The following LSM10 variants were observed in gnomAD, a reference collection of about 807,000 sequenced individuals.
LSM10 encodes the protein LSM10, U7 small nuclear RNA associated.
Under a neutral mutation model 5.2 loss-of-function variants are expected in LSM10, and 4 were observed. That is an observed-to-expected ratio of 0.77 (90% CI 0.38 to 1.77). The LOEUF is 1.77. LSM10 is among the 40% of genes most tolerant of loss of function. The pLI, the probability that LSM10 is intolerant of heterozygous loss-of-function variation, is 0.04. For synonymous variants in LSM10, 63 were observed against 67.4 expected, an observed-to-expected ratio of 0.94 and a Z score of 0.32; for missense variants, 150 against 171.6, an observed-to-expected ratio of 0.87 and a Z score of 0.70.
At position 36,393,481 on chromosome 1, in the gene LSM10, T is replaced by C; in HGVS notation, c.*277A>G. 2.0e-6 allele frequency: 1 copy of C among 498,070 alleles called. No homozygotes were observed. Among genetic ancestry groups the C allele is most frequent in the Non-Finnish European group, 3.7e-6 (1 of 273,794 alleles). 30.9% of individuals were successfully genotyped at this position (498,070 alleles called of 1,614,324 possible). On this transcript the variant is annotated 3_prime_UTR_variant, in exon 2 of 2. Coordinates refer to ENST00000315732, the MANE Select transcript of LSM10 (RefSeq NM_032881.3). ...TATCCTCACTGGGAGAGTTGAAAAC[T>C]ACTTGACAGGTTCCATAATCAATAA...
intron 1 of LSM10, 110 bp from the exon 2 acceptor site, chr1:36,394,263 A>G: frequency 9.8e-7 from 1 of 1,018,842 alleles, no homozygotes; most frequent in Non-Finnish European, 1.4e-6. Flanking sequence ...CACCTCTGCA[A>G]TTTTTGTATC....
intron 1 of LSM10, among the ~76,000 whole-genome samples, chr1:36,396,991 A>T (rs1647161699): frequency 6.6e-6 from 1 of 151,918 alleles, no homozygotes; most frequent in Admixed American, 6.6e-5. Context: ...ATAAATCTGG[A>T]TAATGAATTG....
At position 36,393,497 on chromosome 1, in the gene LSM10, TAATC is replaced by T. The variant is rs1385524506; in HGVS notation, c.*257_*260del. ...GTTGAAAACTACTTGACAGGTTCCA[TAATC>T]AATAAGTCAGAGATTCAGATCATCA... On this transcript the variant is annotated 3_prime_UTR_variant, in exon 2 of 2. Transcript: ENST00000315732. The T allele has an allele frequency of 3.8e-6, 2 of 533,064 alleles. No homozygotes were observed. The highest frequency in any genetic ancestry group is 3.8e-5 in the African/African-American group (2 of 52,684). 33.0% of individuals were successfully genotyped at this position (533,064 alleles called of 1,614,324 possible).
chr1:36,393,937 G>C lies in LSM10; in HGVS notation c.193C>G (p.His65Asp). The change falls in exon 2 of 2, where the codon CAT becomes GAT. Residue 65 changes from histidine to aspartate, a missense_variant. Physicochemically the swap from His to Asp is moderately conservative, Grantham distance 81. Transcript: ENST00000315732. ...AAGAGGTCATCCAGCTTGACCTGAT[G>C]CCCCCAACGGTCCGTGTAGGTGACT... is the stretch of plus-strand genomic sequence containing the variant. ...AKVTYTDRWG[H>D]QVKLDDLFVT... The C allele has an allele frequency of 6.2e-7, 1 of 1,614,256 alleles. No homozygotes were observed.
rs1570479515 is a variant in LSM10 at position 36,394,059 on chromosome 1, A to G, written c.71T>C (p.Leu24Pro). The G allele has an allele frequency of 1.2e-6, 2 of 1,614,034 alleles. No homozygotes were observed. Among genetic ancestry groups the G allele is most frequent in the South Asian group, 2.2e-5 (2 of 91,088 alleles). The change falls in exon 2 of 2, where the codon CTC becomes CCC. Residue 24 changes from leucine to proline, a missense_variant. Leu to Pro is a moderately conservative substitution (Grantham distance 98, BLOSUM62 -3). Transcript: ENST00000315732. Reference sequence around the variant, plus strand: ...GTCCACAGTGGTTACCCGGCCCTGGAGGCCCTGCAGTAGGATGATCAGGCT... The same window carrying G: ...GTCCACAGTGGTTACCCGGCCCTGGGGGCCCTGCAGTAGGATGATCAGGCT... ...ENSLIILLQG[L>P]QGRVTTVDLR...
At chr1:36,397,452 G>A in intron 1 of LSM10, among the ~76,000 whole-genome samples, 1 of 152,168 alleles carries the variant, frequency 6.6e-6, no homozygotes, top group East Asian at 1.9e-4. Context: ...ATCAAGCAAA[G>A]GTATGGGGCT....
At chr1:36,397,068 G>A (rs992250267) in intron 1 of LSM10, among the ~76,000 whole-genome samples, 18 of 152,110 alleles carry the variant, frequency 1.2e-4, no homozygotes, top group African/African-American at 4.3e-4. Flanking sequence ...AACCTAGGTT[G>A]GAATCCCCAC....
chr1:36,397,697 C>G lies in LSM10; in HGVS notation c.-25+70G>C, dbSNP rs985564881. On this transcript the variant is annotated intron_variant, in intron 1 of 1. Transcript: ENST00000315732. ...GAAAACGCTTCCTGGGCTCCGGCAC[C>G]TCCTTCCGGAGGTCCTGGCATCCCC... is the stretch of plus-strand genomic sequence containing the variant. The G allele has an allele frequency of 5.3e-5, 8 of 152,228 alleles. No individual in the cohort carries two copies. The East Asian group carries it at 1.6e-3, about 30-fold the overall frequency. 9.4% of individuals were successfully genotyped at this position (152,228 alleles called of 1,614,324 possible). A position where few individuals can be genotyped will look rare whatever the true frequency, so the allele number is the denominator to read the frequency against.
chr1:36,395,313 T>C (rs915407407), intron 1 of LSM10, among the ~76,000 whole-genome samples: 2 of 152,186 alleles, frequency 1.3e-5, no homozygotes, highest in African/African-American at 4.8e-5. Context: ...ATTATATGAT[T>C]ATCTACATTG....
chr1:36,394,234 CA>C, intron 1 of LSM10, 81 bp from the exon 2 acceptor site: 1 of 1,374,358 alleles, frequency 7.3e-7, no homozygotes, highest in Non-Finnish European at 9.7e-7. Flanking sequence ...GGTTCTCAAA[CA>C]AAATTCCCAG....
At chr1:36,395,225 G>A (rs16822801) in intron 1 of LSM10, among the ~76,000 whole-genome samples, 47,589 of 151,950 alleles carry the variant, frequency 0.31, 7,613 homozygotes, top group African/African-American at 0.35. Flanking sequence ...TTCAAAAAAC[G>A]ATTACGGAAA....
chr1:36,393,716 C>T lies in LSM10; in HGVS notation c.*42G>A. 1 of 1,603,646 alleles carries T rather than the reference C, an allele frequency of 6.2e-7. No individual in the cohort carries two copies. The highest frequency in any genetic ancestry group is 8.5e-7 in the Non-Finnish European group (1 of 1,174,310). Reference sequence around the variant, plus strand: ...AGGGCAGGGAACTAGCTCCGGAGATCACTGGAGGACTCCGAGTTGGGGCCA... The same window carrying T: ...AGGGCAGGGAACTAGCTCCGGAGATTACTGGAGGACTCCGAGTTGGGGCCA... On this transcript the variant is annotated 3_prime_UTR_variant, in exon 2 of 2. Coordinates refer to ENST00000315732, the MANE Select transcript of LSM10 (RefSeq NM_032881.3).
Position 36,397,857 on chromosome 1 carries a change from C to T in LSM10, c.-115G>A, listed in dbSNP as rs1352100053. The T allele has an allele frequency of 6.6e-6, 1 of 152,244 alleles. No individual in the cohort carries two copies. The highest frequency in any genetic ancestry group is 1.5e-5 in the Non-Finnish European group (1 of 68,046). 9.4% of individuals were successfully genotyped at this position (152,244 alleles called of 1,614,324 possible). ...CTGCCTCCCGCCGGCTGCAGCAGGA[C>T]GGAGAAACCATGCCGGCGACCGGGC... On this transcript the variant is annotated 5_prime_UTR_variant, in exon 1 of 2. Transcript: ENST00000315732.
intron 1 of LSM10, among the ~76,000 whole-genome samples, chr1:36,395,944 G>A (rs1168924981): frequency 2.0e-5 from 3 of 151,996 alleles, no homozygotes; most frequent in African/African-American, 7.2e-5. Context: ...GCTCCCGGCT[G>A]GGCGCGGTGG....
At chr1:36,394,967 C>T (rs533137461) in intron 1 of LSM10, among the ~76,000 whole-genome samples, 4 of 150,926 alleles carry the variant, frequency 2.7e-5, no homozygotes, top group East Asian at 3.9e-4. Flanking sequence ...ATTAGCCAAG[C>T]GTGGTGGCAC....
At chr1:36,396,701 A>T (rs1379848540) in intron 1 of LSM10, among the ~76,000 whole-genome samples, 1 of 152,178 alleles carries the variant, frequency 6.6e-6, no homozygotes, top group Non-Finnish European at 1.5e-5. Flanking sequence ...GCCGGGTGCA[A>T]GGGCTCACGC....
chr1:36,394,304 CAT>C (rs534251154), intron 1 of LSM10, among the ~76,000 whole-genome samples, 151 bp from the exon 2 acceptor site: 86 of 152,316 alleles, frequency 5.6e-4, no homozygotes, highest in South Asian at 8.3e-4. Context: ...GCACATGTCT[CAT>C]AGAATCCTCA....
rs540835682 is a variant in LSM10, at chr1:36,396,635, G to A, written c.-25+1132C>T. Among the ~76,000 whole-genome samples, 6 of 152,300 alleles carry A rather than the reference G, an allele frequency of 3.9e-5. No individual in the cohort carries two copies. In the South Asian group the frequency reaches 1.2e-3, roughly 32 times the overall value. On this transcript the variant is annotated intron_variant, in intron 1 of 1. Coordinates refer to ENST00000315732, the MANE Select transcript of LSM10 (RefSeq NM_032881.3). ...CTGCTGGTCAGGGGCCCACACTCTG[G>A]GAACTATTGGTCTACACCATGCAGC...
At chr1:36,394,190 G>C in intron 1 of LSM10, 37 bp from the exon 2 acceptor site, 1 of 1,552,988 alleles carries the variant, frequency 6.4e-7, no homozygotes, top group Non-Finnish European at 8.7e-7. Context: ...GCTATAGCAG[G>C]GTAGGGGGTA....
Sources: allele counts gnomAD v4.1 joint callset (sites outside exome capture counted in the v4.1 genomes callset), GRCh38; gene constraint gnomAD v4.1.1; transcripts MANE v1.5; gene names NCBI Gene and HGNC (gene_info 2026-07-23, HGNC 2026-07-21).